Variants in CNTNAP2 observed in about 807,000 individuals in gnomAD.
The protein encoded by CNTNAP2 is contactin associated protein 2.
A neutral mutation model predicts 155.2 loss-of-function variants in CNTNAP2; 98 were observed. The observed-to-expected ratio is 0.63, with a 90% CI of 0.54 to 0.75. CNTNAP2 has a LOEUF of 0.75. Ranked by LOEUF, CNTNAP2 falls within the 30% of genes least tolerant of loss-of-function variation. The probability of loss-of-function intolerance (pLI) is 0.00; values close to 1 mark genes in which losing one functional copy is unlikely to be tolerated. For synonymous variants in CNTNAP2, 651 were observed against 631.2 expected, an observed-to-expected ratio of 1.03 and a Z score of -0.47; for missense variants, 1,727 against 1,688.1, an observed-to-expected ratio of 1.02 and a Z score of -0.40.
chr7:146,304,821 T>A (rs1282975091), intron 1 of CNTNAP2, among the ~76,000 whole-genome samples: 3 of 152,148 alleles, frequency 2.0e-5, no homozygotes, highest in Non-Finnish European at 4.4e-5. Flanking sequence ...TTGGCCTGCC[T>A]TGCTATTTTG....
chr7:147,771,209 A>T (rs1305595121), intron 13 of CNTNAP2, among the ~76,000 whole-genome samples: 1 of 152,232 alleles, frequency 6.6e-6, no homozygotes, highest in East Asian at 1.9e-4. Flanking sequence ...TTCTTGGTTG[A>T]TGACAGATTG....
At chr7:146,772,432 G>A (rs993685731) in intron 1 of CNTNAP2, among the ~76,000 whole-genome samples, 1 of 150,020 alleles carries the variant, frequency 6.7e-6, no homozygotes, top group African/African-American at 2.5e-5. Context: ...GCCGAGGCGA[G>A]CAGATCACGA....
intron 1 of CNTNAP2, among the ~76,000 whole-genome samples, chr7:146,391,503 A>G (rs1441604922): frequency 1.3e-5 from 2 of 152,144 alleles, no homozygotes; most frequent in African/African-American, 4.8e-5. Context: ...ATTTATGTTC[A>G]GTATGTCTTA....
chr7:147,678,471 T>C (rs1203552170), intron 13 of CNTNAP2, among the ~76,000 whole-genome samples: 1 of 151,944 alleles, frequency 6.6e-6, no homozygotes, highest in Admixed American at 6.6e-5. Flanking sequence ...ATTAATCATA[T>C]GTCTTTCAAG....
chr7:146,657,183 C>T (rs1214119753), intron 1 of CNTNAP2, among the ~76,000 whole-genome samples: 2 of 152,160 alleles, frequency 1.3e-5, no homozygotes, highest in Admixed American at 6.5e-5. Context: ...TGACTTCTAA[C>T]AAAAACTGTT....
In CNTNAP2 at chr7:146,215,640, G is replaced by T. The variant is rs770792121; in HGVS notation, c.97+98667G>T. 2.0e-5 allele frequency among the ~76,000 whole-genome samples: 3 copies of T among 151,258 alleles called. No homozygotes were observed. The South Asian group carries it at 6.2e-4, about 31-fold the overall frequency. On this transcript the variant is annotated intron_variant, in intron 1 of 23. Transcript: ENST00000361727. ...ATAATATATATATATTTTTTTACTT[G>T]CCTTTGGAAAGAACTTTGTAAAATT... is the stretch of plus-strand genomic sequence containing the variant.
chr7:148,079,396 A>G (rs1779155488), intron 15 of CNTNAP2, among the ~76,000 whole-genome samples: 1 of 152,348 alleles, frequency 6.6e-6, no homozygotes, highest in East Asian at 1.9e-4. Context: ...GAGTTTATCT[A>G]AAGATCTGGA....
intron 9 of CNTNAP2, among the ~76,000 whole-genome samples, chr7:147,358,116 T>C (rs751741198): frequency 6.6e-6 from 1 of 152,148 alleles, no homozygotes; most frequent in Admixed American, 6.6e-5. Context: ...TGAAGGTAAA[T>C]GTAACTTGAA....
At chr7:146,200,679 C>T (rs1209107144) in intron 1 of CNTNAP2, among the ~76,000 whole-genome samples, 1 of 152,110 alleles carries the variant, frequency 6.6e-6, no homozygotes, top group Non-Finnish European at 1.5e-5. Context: ...AGAAATAGGA[C>T]ATGCCATATA....
intron 1 of CNTNAP2, among the ~76,000 whole-genome samples, chr7:146,461,044 A>G (rs111628847): frequency 0.012 from 1,782 of 152,292 alleles, 27 homozygotes; most frequent in African/African-American, 0.04. Context: ...TCATTTCACA[A>G]TGTACACATA....
chr7:147,129,152 C>T (rs1405342543), intron 7 of CNTNAP2, among the ~76,000 whole-genome samples: 3 of 152,116 alleles, frequency 2.0e-5, no homozygotes, highest in African/African-American at 7.2e-5. Flanking sequence ...CCGGCAGCAT[C>T]GTGTTTTCAA....
chr7:148,220,076 G>A (rs1156911656), intron 19 of CNTNAP2, among the ~76,000 whole-genome samples: 1 of 152,206 alleles, frequency 6.6e-6, no homozygotes, highest in Non-Finnish European at 1.5e-5. Context: ...AAAAGTCAAA[G>A]ATTCATCATG....
chr7:146,419,656 A>G (rs1376151608), intron 1 of CNTNAP2, among the ~76,000 whole-genome samples: 1 of 152,168 alleles, frequency 6.6e-6, no homozygotes, highest in Non-Finnish European at 1.5e-5. Context: ...TGGCAAAGAT[A>G]TGAAAAGGTG....
At chr7:146,376,419 C>T (rs1216935641) in intron 1 of CNTNAP2, among the ~76,000 whole-genome samples, 1 of 151,950 alleles carries the variant, frequency 6.6e-6, no homozygotes, top group South Asian at 2.1e-4. Flanking sequence ...TATAATATTT[C>T]TCATCGAAAG....
At chr7:147,588,221 C>T (rs774467189) in intron 12 of CNTNAP2, among the ~76,000 whole-genome samples, 6 of 151,380 alleles carry the variant, frequency 4.0e-5, no homozygotes, top group African/African-American at 7.3e-5. Flanking sequence ...CAAAACAAAA[C>T]GAAACAAAAA....
At chr7:146,588,868 A>G (rs1362777393) in intron 1 of CNTNAP2, among the ~76,000 whole-genome samples, 1 of 152,156 alleles carries the variant, frequency 6.6e-6, no homozygotes, top group Non-Finnish European at 1.5e-5. Context: ...TTGATGTAAG[A>G]TCACAATTAT....
chr7:147,478,821 A>T (rs4726871), intron 10 of CNTNAP2, among the ~76,000 whole-genome samples: 117,506 of 152,202 alleles, frequency 0.77, 45,645 homozygotes, highest in African/African-American at 0.85. Context: ...CATAAATTCT[A>T]TTGCTATAGA....
chr7:147,015,363 AT>A (rs1337771421), intron 3 of CNTNAP2, among the ~76,000 whole-genome samples: 15 of 151,832 alleles, frequency 9.9e-5, no homozygotes, highest in African/African-American at 3.4e-4. Flanking sequence ...GTTATATTGT[AT>A]TGTTTTGTCT....
chr7:147,800,674 G>A (rs1023816712), intron 13 of CNTNAP2, among the ~76,000 whole-genome samples: 7 of 152,130 alleles, frequency 4.6e-5, no homozygotes, highest in Non-Finnish European at 1.0e-4. Context: ...GTGGGCTTCC[G>A]TGATTGGAAA....
Sources: gnomAD v4.1 joint callset for allele counts (sites outside exome capture counted in the v4.1 genomes callset) on GRCh38, gnomAD v4.1.1 for gene constraint, MANE v1.5 for transcripts, NCBI Gene and HGNC (gene_info 2026-07-23, HGNC 2026-07-21) for gene names.